Variants in SLC2A11 observed in about 807,000 individuals in gnomAD.
SLC2A11 encodes the protein solute carrier family 2 member 11, also known as solute carrier family 2, facilitated glucose transporter member 11.
In SLC2A11, 43 loss-of-function variants were observed where a neutral mutation model predicts 52.1. The observed-to-expected ratio is 0.82, with a 90% CI of 0.65 to 1.06. SLC2A11 has a LOEUF of 1.06. SLC2A11 is among the 50% of genes least tolerant of loss of function. The pLI is 0.00. For synonymous variants in SLC2A11, 261 were observed against 277.6 expected (o/e 0.94, Z 0.59); for missense variants, 582 against 654.2 (o/e 0.89, Z 1.20).
At chr22:23,878,009 C>A in intron 6 of SLC2A11, 140 bp downstream of exon 6, 1 of 1,056,424 alleles carries the variant, frequency 9.5e-7, no homozygotes. Context: ...CATGATCTGC[C>A]TATACCTGCC....
Position 23,878,590 on chromosome 22 carries a change from C to G in SLC2A11, c.694+721C>G, listed in dbSNP as rs1438425658. ...ATTCCATTGGCCAAAGCGAGTCAGT[C>G]ATACTGCCAAATCCCAAGTCAAGGG... is the stretch of plus-strand genomic sequence containing the variant. On this transcript the variant is annotated intron_variant, in intron 6 of 11. Coordinates refer to ENST00000316185, the MANE Select transcript of SLC2A11 (RefSeq NM_001024939.4). 2.0e-5 allele frequency among the ~76,000 whole-genome samples: 3 copies of G among 152,222 alleles called. No homozygotes were observed. The East Asian group carries it at 5.8e-4, about 29-fold the overall frequency.
intron 4 of SLC2A11, among the ~76,000 whole-genome samples, chr22:23,876,300 A>G (rs2032611157): frequency 6.6e-6 from 1 of 152,162 alleles, no homozygotes. Flanking sequence ...TACCCATCAG[A>G]GAAGGAATCC....
chr22:23,857,540 C>T (rs758561563), upstream of SLC2A11: 6 of 1,611,478 alleles, frequency 3.7e-6, no homozygotes, highest in Non-Finnish European at 3.4e-6. Context: ...AGGTGAGCTC[C>T]CAGCGGCGGC....
Position 23,868,591 on chromosome 22 carries a change from A to C in SLC2A11, c.240A>C (p.Gly80=). The change falls in exon 3 of 12, where the codon GGA becomes GGC. Residue 80 remains glycine (G), a synonymous_variant. Coordinates refer to ENST00000316185, the MANE Select transcript of SLC2A11 (RefSeq NM_001024939.4). ...TCATCGTGTCTCTGTATCCCCTGGG[A>C]GGCCTCTTTGGAGCACTGCTTGCAG... The part of the protein sequence containing the change: ...WSLIVSLYPL[G]GLFGALLAGP... The C allele has an allele frequency of 2.5e-6, 4 of 1,614,178 alleles. No individual in the cohort carries two copies. The highest frequency in any genetic ancestry group is 3.4e-6 in the Non-Finnish European group (4 of 1,180,026).
chr22:23,857,177 G>A (rs554019529), upstream of SLC2A11: 4 of 890,712 alleles, frequency 4.5e-6, no homozygotes, highest in African/African-American at 6.7e-5. Flanking sequence ...TCTGGCGGCC[G>A]GCAGTGGCGA....
intron 3 of SLC2A11, chr22:23,868,907 A>G: frequency 2.3e-6 from 1 of 440,246 alleles, no homozygotes; most frequent in Non-Finnish European, 4.0e-6. Flanking sequence ...ACCTTAAACA[A>G]GTTATTTTCT....
chr22:23,869,882 C>G (rs1386021318), intron 3 of SLC2A11: 1 of 663,830 alleles, frequency 1.5e-6, no homozygotes, highest in Non-Finnish European at 2.7e-6. Flanking sequence ...ATGCTGTGTC[C>G]TCATATGGTG....
rs540561571 is a variant in SLC2A11 at position 23,884,438 on chromosome 22, G to A, written c.1299+9G>A. ...GATTTCCCTTTATCATGGTAGGCCC[G>A]CCCCTCCCGCTGGGGGCCCTGCCTT... On this transcript the variant is annotated intron_variant, in intron 11 of 11. Coordinates refer to ENST00000316185, the MANE Select transcript of SLC2A11 (RefSeq NM_001024939.4). This position sits in a 1 kb window ranked among gnomAD's most constrained non-coding sequence, Gnocchi z 4.3. 3.8e-5 allele frequency: 61 copies of A among 1,611,302 alleles called. 1 individual carries two copies. The Admixed American group carries it at 4.4e-4, about 12-fold the overall frequency.
At chr22:23,876,280 A>G (rs191773860) in intron 4 of SLC2A11, among the ~76,000 whole-genome samples, 14 of 152,272 alleles carry the variant, frequency 9.2e-5, no homozygotes, top group African/African-American at 3.4e-4. Flanking sequence ...CTTTGTCTTC[A>G]TGTCCCAAGT....
At chr22:23,876,404 G>A (rs868108522) in intron 4 of SLC2A11, among the ~76,000 whole-genome samples, 2 of 152,066 alleles carry the variant, frequency 1.3e-5, no homozygotes, top group Admixed American at 6.6e-5. Context: ...TGCCCAACTC[G>A]TAGATAGAGG....
At chr22:23,859,596 A>C (rs1023730266) in intron 1 of SLC2A11, among the ~76,000 whole-genome samples, 3 of 152,070 alleles carry the variant, frequency 2.0e-5, no homozygotes, top group Non-Finnish European at 4.4e-5. Flanking sequence ...GATTCAAGCA[A>C]TTCTGCCTCA....
At position 23,862,127 on chromosome 22, in the gene SLC2A11, G is replaced by A. The variant is rs2032089867; in HGVS notation, c.54G>A (p.Leu18=). The A allele has an allele frequency of 6.2e-7, 1 of 1,614,146 alleles. No homozygotes were observed. The highest frequency in any genetic ancestry group is 2.2e-5 in the East Asian group (1 of 44,890). Residue 18 remains leucine (L), a synonymous_variant, in exon 2 of 12, where the codon CTG becomes CTA. Transcript: ENST00000316185. The part of the protein sequence containing the change: ...SRMIQGRILL[L]TICAAGIGGT... ...AGATTCAGGGCAGGATCCTGCTCCT[G>A]ACCATCTGCGCTGCCGGCATTGGTG...
chr22:23,884,446 CGCTGGGGGCCCTGCCTTAG>C lies in SLC2A11; in HGVS notation c.1299+22_1299+40del. ...TTTATCATGGTAGGCCCGCCCCTCCCGCTGGGGGCCCTGCCTTAGGCTGTGTCCCTGTCATCCTGAGAAC... is the reference window on the plus strand; with the variant it reads ...TTTATCATGGTAGGCCCGCCCCTCCCGCTGTGTCCCTGTCATCCTGAGAAC... On this transcript the variant is annotated intron_variant, in intron 11 of 11. Transcript: ENST00000316185. The surrounding 1 kb of genome is among the most constrained non-coding windows in gnomAD (Gnocchi z 4.3). The C allele has an allele frequency of 6.2e-7, 1 of 1,610,014 alleles. No homozygotes were observed. Among genetic ancestry groups the C allele is most frequent in the Non-Finnish European group, 8.5e-7 (1 of 1,177,738 alleles).
In SLC2A11 at chr22:23,868,789, A is replaced by G; in HGVS notation, c.290+148A>G. The G allele has an allele frequency of 3.4e-6, 3 of 883,406 alleles. No homozygotes were observed. In the South Asian group the frequency reaches 5.4e-5, roughly 16 times the overall value. 54.7% of individuals were successfully genotyped at this position (883,406 alleles called of 1,614,324 possible). A position where few individuals can be genotyped will look rare whatever the true frequency, so the allele number is the denominator to read the frequency against. On this transcript the variant is annotated intron_variant, in intron 3 of 11. Transcript: ENST00000316185. ...AGCCTCTTACTCTGCCTGGAGTTTC[A>G]CCTTGCAAGACACGTCTTCAAGGGT...
chr22:23,882,681 C>T (rs762409390), intron 7 of SLC2A11, 35 bp downstream of exon 7: 28 of 1,606,400 alleles, frequency 1.7e-5, no homozygotes, highest in South Asian at 1.7e-4. Flanking sequence ...CCCTGGGCCC[C>T]GGGGGCTTGG....
upstream of SLC2A11, chr22:23,857,620 G>A (rs1207868844): frequency 1.1e-5 from 13 of 1,189,242 alleles, no homozygotes; most frequent in Admixed American, 8.2e-5. Context: ...ACGCTGGGGC[G>A]AACTCCCCAG....
intron 4 of SLC2A11, among the ~76,000 whole-genome samples, chr22:23,876,632 A>G (rs1018910413): frequency 1.3e-5 from 2 of 152,078 alleles, no homozygotes; most frequent in Non-Finnish European, 2.9e-5. Context: ...GTAGTGATCA[A>G]TGAAGGAATT....
chr22:23,858,685 C>G (rs542324450), intron 1 of SLC2A11, among the ~76,000 whole-genome samples: 2 of 152,224 alleles, frequency 1.3e-5, no homozygotes, highest in South Asian at 4.1e-4. Flanking sequence ...GGCGACGTAG[C>G]GAGACCTTGT....
chr22:23,874,412 G>C (rs531977089), intron 3 of SLC2A11, among the ~76,000 whole-genome samples: 40 of 151,882 alleles, frequency 2.6e-4, no homozygotes, highest in African/African-American at 8.9e-4. Flanking sequence ...TCAGCCTCCT[G>C]AGTAGCTGAA....
Sources: gnomAD v4.1 joint callset for allele counts (sites outside exome capture counted in the v4.1 genomes callset) on GRCh38, gnomAD v4.1.1 for gene constraint, Gnocchi (gnomAD v3.1) non-coding constraint, MANE v1.5 for transcripts, NCBI Gene and HGNC (gene_info 2026-07-23, HGNC 2026-07-21) for gene names.